PAPPA2: variants seen among roughly 807,000 people sequenced by gnomAD.
The protein encoded by PAPPA2 is pappalysin-2.
Under a neutral mutation model 176.4 loss-of-function variants are expected in PAPPA2, and 86 were observed. The ratio of observed to expected loss-of-function variants is 0.49; its 90% CI spans 0.41 to 0.58. The LOEUF is 0.58. Among genes scored for constraint, PAPPA2 ranks in the 20% least tolerant of loss-of-function variants. PAPPA2 has a pLI of 0.00. For missense variants in PAPPA2, 2,073 were observed against 2,256.9 expected (o/e 0.92, Z 1.65); for synonymous variants, 809 against 852.2 (o/e 0.95, Z 0.88).
At chr1:176,764,794 C>T (rs1459453698) in intron 14 of PAPPA2, among the ~76,000 whole-genome samples, 1 of 152,122 alleles carries the variant, frequency 6.6e-6, no homozygotes, top group East Asian at 1.9e-4. Flanking sequence ...GATGGGGTTT[C>T]ACCGTGTTAG....
chr1:176,840,612 G>C (rs1667452441), intron 22 of PAPPA2, among the ~76,000 whole-genome samples: 1 of 152,072 alleles, frequency 6.6e-6, no homozygotes. Flanking sequence ...TCAACAAACT[G>C]CTATTCAGTT....
rs143307877 is a variant in PAPPA2, at chr1:176,798,916, C to T, written c.5131-1145C>T. Among the ~76,000 whole-genome samples, 12 of 152,262 alleles carry T rather than the reference C, an allele frequency of 7.9e-5. No homozygotes were observed. In the East Asian group the frequency reaches 1.7e-3, roughly 22 times the overall value. Reference sequence around the variant, plus strand: ...GGAGGAGTTTTAGCTTTTAGCAGTACGACTCCAGAAAAATATTGCAGATCC... The same window carrying T: ...GGAGGAGTTTTAGCTTTTAGCAGTATGACTCCAGAAAAATATTGCAGATCC... On this transcript the variant is annotated intron_variant, in intron 20 of 22. Transcript: ENST00000367662.
At chr1:176,744,225 TTG>T (rs1662806989) in intron 14 of PAPPA2, among the ~76,000 whole-genome samples, 1 of 152,250 alleles carries the variant, frequency 6.6e-6, no homozygotes, top group Admixed American at 6.5e-5. Context: ...GCCTGTGGCT[TTG>T]TATTCTACTC....
intron 3 of PAPPA2, among the ~76,000 whole-genome samples, chr1:176,622,039 T>C (rs1367859168): frequency 6.6e-6 from 1 of 152,150 alleles, no homozygotes; most frequent in Non-Finnish European, 1.5e-5. Flanking sequence ...CATGGTGTTC[T>C]CTGCCCAGAA....
At chr1:176,507,598 C>T (rs1273437538) in intron 1 of PAPPA2, among the ~76,000 whole-genome samples, 2 of 152,124 alleles carry the variant, frequency 1.3e-5, no homozygotes, top group Admixed American at 6.6e-5. Flanking sequence ...GAATACTACA[C>T]AGCCATAAGA....
intron 3 of PAPPA2, among the ~76,000 whole-genome samples, chr1:176,599,988 T>C (rs1400175777): frequency 6.6e-6 from 1 of 152,044 alleles, no homozygotes; most frequent in East Asian, 1.9e-4. Context: ...TATCCTATTT[T>C]TTGTGTTGAA....
intron 4 of PAPPA2, among the ~76,000 whole-genome samples, chr1:176,683,176 G>A (rs2102793640): frequency 6.6e-6 from 1 of 152,180 alleles, no homozygotes; most frequent in Middle Eastern, 3.4e-3. Context: ...AAGCTTGGCT[G>A]TTTACTACTA....
chr1:176,785,717 C>T (rs965574211), intron 17 of PAPPA2, among the ~76,000 whole-genome samples: 11 of 152,064 alleles, frequency 7.2e-5, no homozygotes, highest in African/African-American at 2.7e-4. Context: ...GTCTGGGTGC[C>T]ATGATGGAAG....
chr1:176,705,982 T>C (rs1395907713), intron 9 of PAPPA2, among the ~76,000 whole-genome samples: 1 of 152,224 alleles, frequency 6.6e-6, no homozygotes, highest in Non-Finnish European at 1.5e-5. Context: ...GGCTTTCTTC[T>C]TACCATCATC....
At chr1:176,489,090 G>A (rs527983543) in intron 1 of PAPPA2, among the ~76,000 whole-genome samples, 2 of 152,308 alleles carry the variant, frequency 1.3e-5, no homozygotes, top group South Asian at 4.1e-4. Flanking sequence ...GTATGCATGT[G>A]ATGTGTGCCC....
At chr1:176,609,386 G>A (rs1333906471) in intron 3 of PAPPA2, among the ~76,000 whole-genome samples, 1 of 152,142 alleles carries the variant, frequency 6.6e-6, no homozygotes, top group Non-Finnish European at 1.5e-5. Flanking sequence ...CTGTAAGACA[G>A]GCAATGAATA....
At chr1:176,782,033 G>T (rs1372827585) in intron 17 of PAPPA2, among the ~76,000 whole-genome samples, 1 of 152,046 alleles carries the variant, frequency 6.6e-6, no homozygotes, top group Non-Finnish European at 1.5e-5. Flanking sequence ...TAAGATTTGG[G>T]GATCCTCAGC....
rs562503807 is a variant in PAPPA2 at position 176,471,905 on chromosome 1, G to A, written c.-917+8487G>A. Among the ~76,000 whole-genome samples the A allele has an allele frequency of 9.9e-5, 15 of 152,186 alleles. No homozygotes were observed. In the South Asian group the frequency reaches 1.5e-3, roughly 15 times the overall value. On this transcript the variant is annotated intron_variant, in intron 1 of 22. Coordinates refer to ENST00000367662, the MANE Select transcript of PAPPA2 (RefSeq NM_020318.3). ...TTACTCCAGCCTCTGTATTTCCTGC[G>A]AACTGGCAGCTGGATTTGGAGGCTT...
Position 176,556,961 on chromosome 1 carries a change from C to T in PAPPA2, c.639C>T (p.Ser213=), listed in dbSNP as rs371392086. 1.2e-5 allele frequency: 19 copies of T among 1,614,070 alleles called. No homozygotes were observed. The African/African-American group carries it at 1.9e-4, about 16-fold the overall frequency. ...GGGCGGAAGATGGGCAGGGAGACTC[C>T]GGTATCTCTTCACATTTCCAACCTT... ...KRRAEDGQGD[S]GISSHFQPWP... Residue 213 remains serine, a synonymous_variant, in exon 2 of 23, where the codon TCC becomes TCT. Coordinates refer to ENST00000367662, the MANE Select transcript of PAPPA2 (RefSeq NM_020318.3).
At chr1:176,473,713 A>T (rs1651987202) in intron 1 of PAPPA2, among the ~76,000 whole-genome samples, 1 of 152,094 alleles carries the variant, frequency 6.6e-6, no homozygotes, top group Admixed American at 6.5e-5. Context: ...AGTGTTTTGG[A>T]TTTTAGTCAT....
chr1:176,581,189 G>A (rs777904428), intron 2 of PAPPA2, among the ~76,000 whole-genome samples: 4 of 152,206 alleles, frequency 2.6e-5, no homozygotes, highest in Non-Finnish European at 5.9e-5. Context: ...TGGGTATCCA[G>A]TTTTCTGAGC....
intron 7 of PAPPA2, 152 bp downstream of exon 7, chr1:176,696,011 G>A (rs1014175243): frequency 1.9e-6 from 2 of 1,031,308 alleles, no homozygotes; most frequent in East Asian, 5.1e-5. Flanking sequence ...TGTGTGTTTT[G>A]CTGGATATCT....
chr1:176,601,335 G>T (rs1016180589), intron 3 of PAPPA2, among the ~76,000 whole-genome samples: 14 of 152,082 alleles, frequency 9.2e-5, no homozygotes, highest in African/African-American at 3.1e-4. Context: ...CATGTATTCT[G>T]CTATGGCAGC....
At chr1:176,747,037 G>A (rs1662943229) in intron 14 of PAPPA2, among the ~76,000 whole-genome samples, 1 of 152,076 alleles carries the variant, frequency 6.6e-6, no homozygotes, top group Admixed American at 6.5e-5. Flanking sequence ...ACTTTATTTG[G>A]GATTAGCAAA....
Sources: gnomAD v4.1 joint callset for allele counts (sites outside exome capture counted in the v4.1 genomes callset) on GRCh38, gnomAD v4.1.1 for gene constraint, MANE v1.5 for transcripts, NCBI Gene and HGNC (gene_info 2026-07-23, HGNC 2026-07-21) for gene names.